NFAT5: variants seen among roughly 807,000 people sequenced by gnomAD.
NFAT5 encodes the protein nuclear factor of activated T-cells 5.
Under a neutral mutation model 166.5 loss-of-function variants are expected in NFAT5, and 31 were observed. The observed-to-expected ratio is 0.19, with a 90% confidence interval of 0.14 to 0.25. The LOEUF is 0.25. NFAT5 is among the 10% of genes least tolerant of loss of function. NFAT5 has a pLI of 1.00. For missense variants in NFAT5, 1,449 were observed against 1,821.8 expected, an observed-to-expected ratio of 0.80 and a Z score of 3.72; for synonymous variants, 612 against 639.7, an observed-to-expected ratio of 0.96 and a Z score of 0.65.
In NFAT5 at chr16:69,566,986, T is replaced by C. The variant is rs1427106145; in HGVS notation, c.73+612T>C. ...CTTCCTTTCCTCGTCATCTTCTTGC[T>C]GGAAAGGGCCCGATGGAAAGGGCCC... On this transcript the variant is annotated intron_variant, in intron 1 of 14. Coordinates refer to ENST00000349945, the MANE Select transcript of NFAT5 (RefSeq NM_138713.4). This position sits in a 1 kb window ranked among gnomAD's most constrained non-coding sequence, Gnocchi z 5.7. Among the ~76,000 whole-genome samples the C allele has an allele frequency of 2.0e-5, 3 of 152,244 alleles. No homozygotes were observed. Among genetic ancestry groups the C allele is most frequent in the Admixed American group, 6.5e-5 (1 of 15,300 alleles).
intron 2 of NFAT5, among the ~76,000 whole-genome samples, chr16:69,571,984 G>A (rs71397981): frequency 3.3e-5 from 5 of 151,844 alleles, no homozygotes; most frequent in East Asian, 1.9e-4. Flanking sequence ...GGATGGTCTC[G>A]ATCTCCTGAT....
intron 10 of NFAT5, among the ~76,000 whole-genome samples, chr16:69,678,656 C>T (rs1462894911): frequency 6.6e-6 from 1 of 152,220 alleles, no homozygotes; most frequent in East Asian, 1.9e-4. Context: ...AAACTCTTTG[C>T]ATGCTCCATT....
chr16:69,621,277 G>C (rs548877355), intron 2 of NFAT5, among the ~76,000 whole-genome samples: 1 of 151,130 alleles, frequency 6.6e-6, no homozygotes, highest in East Asian at 1.9e-4. Flanking sequence ...CAGCTTTATT[G>C]ATATATAATT....
At chr16:69,597,736 C>T (rs538257040) in intron 2 of NFAT5, among the ~76,000 whole-genome samples, 8 of 152,130 alleles carry the variant, frequency 5.3e-5, no homozygotes, top group South Asian at 2.1e-4. Context: ...GGACTACAGG[C>T]GCCCACCACC....
chr16:69,686,380 G>A (rs752735875), intron 11 of NFAT5, among the ~76,000 whole-genome samples: 2 of 151,624 alleles, frequency 1.3e-5, no homozygotes, highest in Admixed American at 6.6e-5. Flanking sequence ...AACATTAACC[G>A]GGCATGGTGG....
rs756186169 is a variant in NFAT5 at position 69,677,193 on chromosome 16, T to C, written c.1558-10T>C. ...TTCTTTTCCAACTCTTGTGCTTTTC[T>C]TTACATTAGAATCATCTTATTGTGA... On this transcript the variant is annotated splice_polypyrimidine_tract_variant and intron_variant, in intron 9 of 14. Transcript: ENST00000349945. 1.3e-6 allele frequency: 2 copies of C among 1,596,256 alleles called. No homozygotes were observed. The highest frequency in any genetic ancestry group is 2.7e-5 in the African/African-American group (2 of 73,922).
Position 69,702,456 on chromosome 16 carries a change from A to C in NFAT5, c.*6105A>C, listed in dbSNP as rs945653922. Reference sequence around the variant, plus strand: ...GGGAATTCATTAAAACCAGTTGTCTATATATTTTGTGCCATGTATATAAGA... The same window carrying C: ...GGGAATTCATTAAAACCAGTTGTCTCTATATTTTGTGCCATGTATATAAGA... On this transcript the variant is annotated 3_prime_UTR_variant, in exon 15 of 15. Transcript: ENST00000349945. 6.6e-6 allele frequency: 1 copy of C among 152,248 alleles called. No individual in the cohort carries two copies. The highest frequency in any genetic ancestry group is 1.5e-5 in the Non-Finnish European group (1 of 68,044). The allele number at this position is 152,248 out of a possible 1,614,324, so 9.4% of individuals were successfully genotyped here. A position where few individuals can be genotyped will look rare whatever the true frequency, so the allele number is the denominator to read the frequency against.
chr16:69,690,974 A>T lies in NFAT5; in HGVS notation c.1809A>T (p.Val603=), dbSNP rs753602393. 1 of 1,599,870 alleles carries T rather than the reference A, an allele frequency of 6.3e-7. No individual in the cohort carries two copies. Among genetic ancestry groups the T allele is most frequent in the South Asian group, 1.1e-5 (1 of 87,008 alleles). Residue 603 remains valine, a synonymous_variant, in exon 12 of 15, where the codon GTA becomes GTT. Coordinates refer to ENST00000349945, the MANE Select transcript of NFAT5 (RefSeq NM_138713.4). ...MKTTGCNLDK[V]NIIPNALMTP... The stretch of plus-strand genomic sequence containing the variant: ...CTACTGGATGTAATTTAGATAAGGT[A>T]AATATTATCCCTAATGCCCTGATGA...
intron 2 of NFAT5, among the ~76,000 whole-genome samples, chr16:69,570,930 T>C (rs1488114059): frequency 2.6e-5 from 4 of 152,026 alleles, no homozygotes; most frequent in Non-Finnish European, 5.9e-5. Context: ...CAAATTCGTG[T>C]AAAGCATTTA....
rs2035464659 is a variant in NFAT5 at position 69,647,035 on chromosome 16, T to C, written c.261T>C (p.Ser87=). 5.7e-6 allele frequency: 9 copies of C among 1,578,366 alleles called. No homozygotes were observed. The highest frequency in any genetic ancestry group is 7.8e-6 in the Non-Finnish European group (9 of 1,159,124). ...TTGAATTGTACACTGCAGATGCTTC[T>C]TCAGCTCCCTCCTCTTCCTCCATGG... ...PPPAVVAADA[S]SAPSSSSMGG... Residue 87 remains serine, a synonymous_variant, in exon 4 of 15, where the codon TCT becomes TCC. Coordinates refer to ENST00000349945, the MANE Select transcript of NFAT5 (RefSeq NM_138713.4). The surrounding 1 kb of genome is among the most constrained non-coding windows in gnomAD (Gnocchi z 4.8).
chr16:69,572,361 T>C lies in NFAT5; in HGVS notation c.127+3813T>C, dbSNP rs569593098. The stretch of plus-strand genomic sequence containing the variant: ...TTCAAAGTAACTTGTGTTACAAAAA[T>C]CCTGAACAAAAGTATACATCACTGA... On this transcript the variant is annotated intron_variant, in intron 2 of 14. Transcript: ENST00000349945. Among the ~76,000 whole-genome samples the C allele has an allele frequency of 3.9e-5, 6 of 152,326 alleles. No homozygotes were observed. The East Asian group carries it at 7.7e-4, about 20-fold the overall frequency.
intron 2 of NFAT5, among the ~76,000 whole-genome samples, chr16:69,614,972 G>A (rs1445100644): frequency 3.3e-5 from 5 of 150,910 alleles, no homozygotes; most frequent in African/African-American, 7.3e-5. Flanking sequence ...CTCCTCCTGG[G>A]TTCAAGCAAT....
chr16:69,671,237 C>CT (rs1423289797), intron 9 of NFAT5, among the ~76,000 whole-genome samples: 1 of 152,188 alleles, frequency 6.6e-6, no homozygotes. Flanking sequence ...AGGCCACCCT[C>CT]TTTTTTTGAA....
intron 10 of NFAT5, among the ~76,000 whole-genome samples, chr16:69,680,499 CTT>C (rs1247900861): frequency 6.6e-6 from 1 of 152,148 alleles, no homozygotes; most frequent in Non-Finnish European, 1.5e-5. Flanking sequence ...GAACAAACAA[CTT>C]TTAAGTATTC....
At chr16:69,641,277 CAAAAA>C (rs60281310) in intron 3 of NFAT5, among the ~76,000 whole-genome samples, 2 of 72,886 alleles carry the variant, frequency 2.7e-5, no homozygotes, top group African/African-American at 1.0e-4. Flanking sequence ...GACTCCGTCT[CAAAAA>C]AAAAAAAAAA....
intron 2 of NFAT5, among the ~76,000 whole-genome samples, chr16:69,594,774 A>G (rs1209002816): frequency 6.6e-6 from 1 of 152,184 alleles, no homozygotes; most frequent in African/African-American, 2.4e-5. Flanking sequence ...GGATAGATGT[A>G]TATATCTACA....
intron 2 of NFAT5, among the ~76,000 whole-genome samples, chr16:69,622,981 A>G (rs2034271733): frequency 6.6e-6 from 1 of 152,140 alleles, no homozygotes; most frequent in South Asian, 2.1e-4. Flanking sequence ...CCCCGTCTCT[A>G]TTAAGAATAC....
intron 7 of NFAT5, among the ~76,000 whole-genome samples, chr16:69,669,499 C>T (rs1216384534): frequency 1.3e-5 from 2 of 152,014 alleles, no homozygotes; most frequent in Non-Finnish European, 2.9e-5. Context: ...GAGCTGAGAT[C>T]ACACCTCTGC....
chr16:69,580,505 TG>T (rs2031602849), intron 2 of NFAT5, among the ~76,000 whole-genome samples: 1 of 148,798 alleles, frequency 6.7e-6, no homozygotes, highest in South Asian at 2.1e-4. Flanking sequence ...CACTCTAGCC[TG>T]GGCGACAAGA....
Sources: gnomAD v4.1 joint callset for allele counts (sites outside exome capture counted in the v4.1 genomes callset) on GRCh38, gnomAD v4.1.1 for gene constraint, Gnocchi (gnomAD v3.1) non-coding constraint, MANE v1.5 for transcripts, NCBI Gene and HGNC (gene_info 2026-07-23, HGNC 2026-07-21) for gene names.